The following FKBP1C variants were observed in gnomAD, a reference collection of about 807,000 sequenced individuals.
FKBP1C encodes the protein peptidyl-prolyl cis-trans isomerase FKBP1C.
In FKBP1C, 7 loss-of-function variants were observed where a neutral mutation model predicts 7.1. The observed-to-expected ratio is 0.99, with a 90% confidence interval of 0.56 to 1.86. The LOEUF is 1.86. Among genes scored for constraint, FKBP1C ranks in the 40% most tolerant of loss-of-function variants. The pLI is 0.00. For synonymous variants in FKBP1C, 56 were observed against 51.2 expected, an observed-to-expected ratio of 1.09 and a Z score of -0.40; for missense variants, 159 against 139.9, an observed-to-expected ratio of 1.14 and a Z score of -0.69.
chr6:63,212,527 C>A (rs1049092722), exon 1 of FKBP1C: 1 of 159,374 alleles, frequency 6.3e-6, no homozygotes, highest in South Asian at 2.4e-4. Flanking sequence ...ATGTTCACTG[C>A]GATGCTGGAC....
rs1337332276 is a variant in FKBP1C, at chr6:63,211,660, A to C, written c.104A>C (p.Lys35Thr). The change falls in exon 1 of 1, where the codon AAG (lysine) becomes ACG (threonine). Residue 35 changes from lysine to threonine, a missense_variant. Lys to Thr is a moderately conservative substitution (Grantham distance 78). Coordinates refer to ENST00000370659, the Ensembl canonical transcript of FKBP1C. ...TACACCGGGATGCTTGAAGATGGAA[A>C]GAAATTTGATTCCTCCCGGGACAGA... is the stretch of plus-strand genomic sequence containing the variant. 9 of 1,614,018 alleles carry C rather than the reference A, an allele frequency of 5.6e-6. No individual in the cohort carries two copies. The African/African-American group carries it at 1.2e-4, about 22-fold the overall frequency.
exon 1 of FKBP1C, chr6:63,212,915 G>A (rs45443197): frequency 0.15 from 24,512 of 166,628 alleles, 2,050 homozygotes; most frequent in South Asian, 0.23. Flanking sequence ...TTGCTGTCCT[G>A]TGTAGTGATT....
exon 1 of FKBP1C, chr6:63,212,326 C>A (rs1337992292): frequency 5.1e-6 from 1 of 197,602 alleles, no homozygotes; most frequent in African/African-American, 2.4e-5. Context: ...ATTAAACATT[C>A]TTGCTGCTGC....
exon 1 of FKBP1C, chr6:63,212,048 C>G: frequency 1.3e-6 from 1 of 786,530 alleles, no homozygotes. Context: ...CTCAGCTTTG[C>G]TTCCGACACC....
In FKBP1C at chr6:63,211,820, C is replaced by G. The variant is rs181694415; in HGVS notation, c.264C>G (p.His88Gln). 193 of 1,613,312 alleles carry G rather than the reference C, an allele frequency of 1.2e-4. No homozygotes were observed. The African/African-American group carries it at 2.1e-3, about 17-fold the overall frequency. Residue 88 changes from histidine to glutamine, a missense_variant, in exon 1 of 1, where the codon CAC becomes CAG. Transcript: ENST00000370659. ...ATTATGCCTATGGTGCCACTGGGCA[C>G]CCAGGCATCATCCCACCACATGCCA...
exon 1 of FKBP1C, chr6:63,212,967 A>ATAT (rs1460198491): frequency 6.0e-6 from 1 of 166,360 alleles, no homozygotes; most frequent in Non-Finnish European, 1.5e-5. Context: ...CTAGCACCAT[A>ATAT]TATGAGTCTC....
At position 63,211,721 on chromosome 6, in the gene FKBP1C, G is replaced by A. The variant is rs189115521; in HGVS notation, c.165G>A (p.Glu55=). 261 of 1,614,044 alleles carry A rather than the reference G, an allele frequency of 1.6e-4. No individual in the cohort carries two copies. In the African/African-American group the frequency reaches 3.2e-3, roughly 20 times the overall value. Residue 55 remains glutamate, a synonymous_variant, in exon 1 of 1, where the codon GAG becomes GAA. Coordinates refer to ENST00000370659, the Ensembl canonical transcript of FKBP1C. ...TTAAGTTTATGCTAGGCAAGCAGGA[G>A]GTGATCCGAGGCTGGGAAGAAGGGG...
exon 1 of FKBP1C, chr6:63,211,588 G>A (rs146459499): frequency 2.0e-5 from 31 of 1,530,634 alleles, no homozygotes; most frequent in Non-Finnish European, 2.8e-5. Flanking sequence ...ATCTCCCCAG[G>A]AGACTGGCGC....
chr6:63,212,343 A>G (rs1308265909), exon 1 of FKBP1C: 13 of 188,534 alleles, frequency 6.9e-5, no homozygotes, highest in Non-Finnish European at 1.1e-4. Context: ...CTGCGCTGCA[A>G]AACCATAGCA....
At chr6:63,211,562 A>C in exon 1 of FKBP1C, 17 of 1,306,730 alleles carry the variant, frequency 1.3e-5, no homozygotes, top group Non-Finnish European at 1.8e-5. Flanking sequence ...CCGCCATGGG[A>C]GTGCACGTGG....
chr6:63,211,542 G>A, exon 1 of FKBP1C: 1 of 1,133,260 alleles, frequency 8.8e-7, no homozygotes, highest in South Asian at 1.3e-5. Context: ...CGCCCGCTCG[G>A]CGTCGGCCGC....
At chr6:63,211,601 C>T (rs1766105284) in exon 1 of FKBP1C, 6 of 1,580,338 alleles carry the variant, frequency 3.8e-6, no homozygotes, top group Admixed American at 1.7e-5. Context: ...ACTGGCGCAC[C>T]TTCCCGAAGC....
At chr6:63,211,745 G>C (rs755218148) in exon 1 of FKBP1C, 7 of 1,614,036 alleles carry the variant, frequency 4.3e-6, no homozygotes, top group Admixed American at 3.3e-5. Context: ...GGGAAGAAGG[G>C]GTTGTCCAGA....
chr6:63,211,946 C>T, exon 1 of FKBP1C: 2 of 1,568,242 alleles, frequency 1.3e-6, no homozygotes, highest in Non-Finnish European at 1.8e-6. Flanking sequence ...TCTGGTGCCT[C>T]CAGACGTGTG....
exon 1 of FKBP1C, chr6:63,211,587 G>A (rs1220542443): frequency 1.0e-5 from 16 of 1,528,608 alleles, no homozygotes; most frequent in Non-Finnish European, 1.4e-5. Flanking sequence ...CATCTCCCCA[G>A]GAGACTGGCG....
chr6:63,212,153 T>G, exon 1 of FKBP1C: 1 of 590,192 alleles, frequency 1.7e-6, no homozygotes, highest in Non-Finnish European at 3.1e-6. Flanking sequence ...CATTTTGGGG[T>G]GAAGATTCAG....
exon 1 of FKBP1C, chr6:63,212,255 T>A: frequency 3.1e-6 from 1 of 326,090 alleles, no homozygotes; most frequent in Non-Finnish European, 5.9e-6. Context: ...GGAATTGGTG[T>A]TGAGGGGGTT....
chr6:63,211,480 C>T, exon 1 of FKBP1C: 2 of 637,152 alleles, frequency 3.1e-6, no homozygotes, highest in Non-Finnish European at 5.7e-6. Context: ...CTAGGCAGAG[C>T]CGTGGAACCG....
chr6:63,211,960 A>C, exon 1 of FKBP1C: 2 of 1,499,126 alleles, frequency 1.3e-6, no homozygotes, highest in Non-Finnish European at 1.9e-6. Context: ...ACGTGTGCAC[A>C]TAAATCCATA....
Sources: gnomAD v4.1 joint callset for allele counts on GRCh38, gnomAD v4.1.1 for gene constraint, MANE v1.5 for transcripts, NCBI Gene and HGNC (gene_info 2026-07-23, HGNC 2026-07-21) for gene names.